SGCD: variants seen among roughly 807,000 people sequenced by gnomAD.
SGCD encodes the protein delta-sarcoglycan.
SGCD carries 18 observed loss-of-function variants against 36.6 expected under a neutral mutation model. The observed-to-expected ratio is 0.49, with a 90% CI of 0.34 to 0.73. The LOEUF (loss-of-function observed/expected upper bound fraction) is 0.73. Among genes scored for constraint, SGCD ranks in the 30% least tolerant of loss-of-function variants. SGCD has a pLI of 0.01. For synonymous variants in SGCD, 133 were observed against 130.6 expected (o/e 1.02, Z -0.12); for missense variants, 387 against 346.7 (o/e 1.12, Z -0.92).
At chr5:155,936,117 C>T (rs1028859748) in intron 1 of SGCD, among the ~76,000 whole-genome samples, 4 of 152,192 alleles carry the variant, frequency 2.6e-5, no homozygotes, top group Non-Finnish European at 5.9e-5. Context: ...CAGGGAGCTC[C>T]TAGGTCTGGG....
At chr5:156,628,477 A>T (rs944814347) in intron 6 of SGCD, among the ~76,000 whole-genome samples, 4 of 152,216 alleles carry the variant, frequency 2.6e-5, no homozygotes, top group Non-Finnish European at 4.4e-5. Flanking sequence ...AATGTACAGG[A>T]GTCCAAATAT....
chr5:155,847,428 T>A, the SGCD span, among the ~76,000 whole-genome samples: 4 of 152,190 alleles, frequency 2.6e-5, no homozygotes, highest in African/African-American at 9.6e-5. Context: ...GAGGATGGGT[T>A]TTGCTCACTG....
At chr5:155,846,493 C>T in the SGCD span, among the ~76,000 whole-genome samples, 1 of 152,096 alleles carries the variant, frequency 6.6e-6, no homozygotes, top group Admixed American at 6.5e-5. Flanking sequence ...TTAGCTCTGC[C>T]TTCTGGGTGT....
At chr5:155,738,618 C>T in the SGCD span, among the ~76,000 whole-genome samples, 7 of 151,852 alleles carry the variant, frequency 4.6e-5, no homozygotes, top group East Asian at 1.4e-3. Flanking sequence ...GCTGGCCTGC[C>T]TCTGAGAGAG....
chr5:156,061,785 T>G lies in SGCD; in HGVS notation c.-281-56093T>G, dbSNP rs1760213813. Among the ~76,000 whole-genome samples the G allele has an allele frequency of 1.4e-5, 2 of 145,604 alleles. 1 individual carries two copies. The highest frequency in any genetic ancestry group is 4.3e-4 in the South Asian group (2 of 4,636). ...ATATCTAATGGGTTGTCTGGACAGTTTCATAGATGAACTGACAGTTTGGGG... is the reference window on the plus strand; with the variant it reads ...ATATCTAATGGGTTGTCTGGACAGTGTCATAGATGAACTGACAGTTTGGGG... On this transcript the variant is annotated intron_variant, in intron 1 of 9. Transcript: ENST00000517913.
At chr5:156,165,679 A>G (rs991422580) in intron 3 of SGCD, among the ~76,000 whole-genome samples, 13 of 152,204 alleles carry the variant, frequency 8.5e-5, no homozygotes, top group African/African-American at 3.1e-4. Context: ...GCTTTTGCAT[A>G]CAAGGTTTAG....
intron 3 of SGCD, among the ~76,000 whole-genome samples, chr5:156,252,855 T>C (rs2127661757): frequency 6.6e-6 from 1 of 152,312 alleles, no homozygotes; most frequent in South Asian, 2.1e-4. Flanking sequence ...CAAGGTGTAT[T>C]GCTGGATGGC....
intron 3 of SGCD, among the ~76,000 whole-genome samples, chr5:156,352,409 T>A (rs1480309785): frequency 1.3e-5 from 2 of 152,212 alleles, no homozygotes; most frequent in Non-Finnish European, 2.9e-5. Context: ...GGGATTATTC[T>A]CTATACATTT....
intron 6 of SGCD, among the ~76,000 whole-genome samples, chr5:156,604,743 T>TATATACACATTTTATATGTATATATACAG (rs1761350008): frequency 6.7e-6 from 1 of 148,682 alleles, no homozygotes; most frequent in African/African-American, 2.4e-5. Context: ...TATATATACA[T>TATATACACATTTTATATGTATATATACAG]ATATACACAT....
intron 3 of SGCD, among the ~76,000 whole-genome samples, chr5:156,183,379 G>C (rs1179533074): frequency 6.6e-6 from 1 of 152,128 alleles, no homozygotes; most frequent in Non-Finnish European, 1.5e-5. Context: ...TATTTACCTA[G>C]TCATAATAAT....
At chr5:156,667,335 A>G (rs1232816954) in intron 7 of SGCD, among the ~76,000 whole-genome samples, 1 of 152,144 alleles carries the variant, frequency 6.6e-6, no homozygotes, top group South Asian at 2.1e-4. Context: ...GGGCAGTATG[A>G]CTGATACCAT....
At chr5:156,058,564 T>A (rs1469333232) in intron 1 of SGCD, among the ~76,000 whole-genome samples, 1 of 145,572 alleles carries the variant, frequency 6.9e-6, no homozygotes, top group Non-Finnish European at 1.5e-5. Context: ...TTAGGAGACA[T>A]ACTGATCAAT....
chr5:156,031,499 C>T (rs1182633822), intron 1 of SGCD, among the ~76,000 whole-genome samples: 3 of 152,074 alleles, frequency 2.0e-5, no homozygotes, highest in Non-Finnish European at 4.4e-5. Flanking sequence ...AAAATTATTC[C>T]AGATTTTTGA....
Position 156,586,514 on chromosome 5 carries a change from T to TTTAA in SGCD, c.295-2715_295-2712dup, listed in dbSNP as rs1760501377. On this transcript the variant is annotated intron_variant, in intron 4 of 8. Coordinates refer to ENST00000337851, the MANE Select transcript of SGCD (RefSeq NM_000337.6). ...ACAGATCACCATTAAGGAGTGAGGATTTAATCTATGTAGATTTTTTGGAAT... is the reference window on the plus strand; with the variant it reads ...ACAGATCACCATTAAGGAGTGAGGATTTAATTAATCTATGTAGATTTTTTGGAAT... Among the ~76,000 whole-genome samples the TTTAA allele has an allele frequency of 2.0e-5, 3 of 152,344 alleles. No individual in the cohort carries two copies. In the South Asian group the frequency reaches 6.2e-4, roughly 32 times the overall value.
intron 3 of SGCD, among the ~76,000 whole-genome samples, chr5:156,369,891 C>A (rs1037418323): frequency 2.0e-5 from 3 of 152,202 alleles, no homozygotes; most frequent in African/African-American, 7.2e-5. Context: ...AAAGTTGAAT[C>A]AGGCTACTTG....
At chr5:156,049,831 A>G (rs544138324) in intron 1 of SGCD, among the ~76,000 whole-genome samples, 1 of 146,506 alleles carries the variant, frequency 6.8e-6, no homozygotes, top group South Asian at 2.2e-4. Context: ...TCAAGGCTTC[A>G]ATGGAGGAAG....
intron 3 of SGCD, among the ~76,000 whole-genome samples, chr5:156,281,948 G>A (rs187752614): frequency 6.6e-6 from 1 of 151,654 alleles, no homozygotes; most frequent in East Asian, 2.0e-4. Flanking sequence ...TGTTTTCCGC[G>A]TAAACCCAGG....
At chr5:156,340,336 A>G (rs1186031940) in intron 2 of SGCD, among the ~76,000 whole-genome samples, 2 of 152,144 alleles carry the variant, frequency 1.3e-5, no homozygotes, top group East Asian at 1.9e-4. Context: ...GGTGCTGACC[A>G]TTGTAGGTCG....
At chr5:155,859,466 CTA>C in the SGCD span, among the ~76,000 whole-genome samples, 1 of 152,118 alleles carries the variant, frequency 6.6e-6, no homozygotes, top group South Asian at 2.1e-4. Flanking sequence ...AATCCTGTAA[CTA>C]TGACTTTTAC....
Sources: allele counts gnomAD v4.1 joint callset (sites outside exome capture counted in the v4.1 genomes callset), GRCh38; gene constraint gnomAD v4.1.1; transcripts MANE v1.5; gene names NCBI Gene and HGNC (gene_info 2026-07-23, HGNC 2026-07-21).